Variants in TRPA1 observed in about 807,000 individuals in gnomAD.
TRPA1 encodes transient receptor potential cation channel subfamily A member 1.
A neutral mutation model predicts 131.3 loss-of-function variants in TRPA1; 129 were observed. That is an observed-to-expected ratio of 0.98 (90% confidence interval 0.85 to 1.14). TRPA1 has a LOEUF of 1.14. Among genes scored for constraint, TRPA1 ranks in the 50% most tolerant of loss-of-function variants. The pLI is 0.00. For missense variants in TRPA1, 1,304 were observed against 1,354.2 expected (o/e 0.96, Z 0.58); for synonymous variants, 441 against 451.7 (o/e 0.98, Z 0.30).
At chr8:72,067,246 C>T (rs577012558) in intron 3 of TRPA1, among the ~76,000 whole-genome samples, 9 of 152,156 alleles carry the variant, frequency 5.9e-5, no homozygotes, top group Admixed American at 2.6e-4. Context: ...GGGAGAGGCA[C>T]GTAGAAAAGA....
At chr8:72,048,659 G>T (rs548856731) in intron 15 of TRPA1, among the ~76,000 whole-genome samples, 1 of 152,252 alleles carries the variant, frequency 6.6e-6, no homozygotes, top group African/African-American at 2.4e-5. Context: ...TTTCAGAAAT[G>T]TTGTATAAGT....
At chr8:72,046,024 G>A (rs1471820411) in intron 17 of TRPA1, among the ~76,000 whole-genome samples, 1 of 151,972 alleles carries the variant, frequency 6.6e-6, no homozygotes. Flanking sequence ...GAACTTAGAA[G>A]CTGTGGCTGT....
At chr8:72,027,915 T>C (rs1008762664) in intron 24 of TRPA1, among the ~76,000 whole-genome samples, 2 of 152,182 alleles carry the variant, frequency 1.3e-5, no homozygotes, top group Non-Finnish European at 2.9e-5. Context: ...CAATATAGGT[T>C]TGTGCTTTTC....
intron 20 of TRPA1, among the ~76,000 whole-genome samples, chr8:72,037,653 T>C (rs1812102493): frequency 6.6e-6 from 1 of 152,012 alleles, no homozygotes; most frequent in Non-Finnish European, 1.5e-5. Flanking sequence ...AATTATCAAG[T>C]TCAAAATGTA....
intron 1 of TRPA1, 73 bp downstream of exon 1, chr8:72,075,226 C>T (rs557246292): frequency 6.8e-6 from 8 of 1,169,510 alleles, no homozygotes; most frequent in Non-Finnish European, 1.0e-5. Context: ...CCAAGGGCTG[C>T]CCCCAAGGAA....
rs1811947156 is a variant in TRPA1, at chr8:72,034,229, A to G, written c.2685+19T>C. ...ATAATTCACAGCGACAAAATCAACTACTGATGTAACTGTCTTACCTGTAAA... is the reference window on the plus strand; with the variant it reads ...ATAATTCACAGCGACAAAATCAACTGCTGATGTAACTGTCTTACCTGTAAA... On this transcript the variant is annotated intron_variant, in intron 22 of 26. Coordinates refer to ENST00000262209, the MANE Select transcript of TRPA1 (RefSeq NM_007332.3). 1.3e-6 allele frequency: 2 copies of G among 1,595,938 alleles called. No homozygotes were observed. Among genetic ancestry groups the G allele is most frequent in the East Asian group, 4.5e-5 (2 of 44,356 alleles).
chr8:72,083,034 G>A, the TRPA1 span, among the ~76,000 whole-genome samples: 11 of 151,620 alleles, frequency 7.3e-5, no homozygotes, highest in Non-Finnish European at 1.3e-4. Context: ...CTGTCTTCAA[G>A]TTTACTATTT....
At chr8:72,027,528 T>C (rs891836670) in intron 24 of TRPA1, among the ~76,000 whole-genome samples, 2 of 152,098 alleles carry the variant, frequency 1.3e-5, no homozygotes, top group Admixed American at 1.3e-4. Context: ...CATTTAAAAA[T>C]ACCCAAACAG....
the TRPA1 span, among the ~76,000 whole-genome samples, chr8:72,081,249 C>G: frequency 6.6e-6 from 1 of 151,838 alleles, no homozygotes; most frequent in Non-Finnish European, 1.5e-5. Context: ...CTTTGGCTCA[C>G]AAATTACTTT....
chr8:72,071,005 T>G (rs1216533450), intron 2 of TRPA1, among the ~76,000 whole-genome samples: 1 of 152,236 alleles, frequency 6.6e-6, no homozygotes, highest in Non-Finnish European at 1.5e-5. Context: ...TCAAAGTCAG[T>G]TCTAACTCCC....
intron 21 of TRPA1, among the ~76,000 whole-genome samples, chr8:72,034,861 AT>A (rs1418866742): frequency 6.6e-6 from 1 of 152,194 alleles, no homozygotes; most frequent in East Asian, 1.9e-4. Context: ...ACCTTAAATC[AT>A]TTTACCACTT....
chr8:72,082,736 TTC>T, the TRPA1 span, among the ~76,000 whole-genome samples: 2 of 152,064 alleles, frequency 1.3e-5, no homozygotes, highest in African/African-American at 2.4e-5. Flanking sequence ...TTCAAGATTT[TTC>T]TCTGTCTTTC....
At chr8:72,067,211 T>C (rs1186043996) in intron 3 of TRPA1, among the ~76,000 whole-genome samples, 1 of 152,136 alleles carries the variant, frequency 6.6e-6, no homozygotes, top group Non-Finnish European at 1.5e-5. Context: ...GCTGGGTGTT[T>C]ACAGGCCGGA....
At chr8:72,088,645 G>A in the TRPA1 span, among the ~76,000 whole-genome samples, 822 of 152,140 alleles carry the variant, frequency 5.4e-3, 16 homozygotes, top group African/African-American at 0.019. Flanking sequence ...TCTTTAGTTT[G>A]GTGACAACTG....
chr8:72,075,240 T>TC (rs1376561662), intron 1 of TRPA1, 59 bp downstream of exon 1: 5 of 1,385,984 alleles, frequency 3.6e-6, no homozygotes, highest in Non-Finnish European at 5.1e-6. Context: ...CAAGGAAACC[T>TC]CCAGCCGACC....
chr8:72,032,929 G>C (rs966644011), intron 23 of TRPA1, among the ~76,000 whole-genome samples: 3 of 152,176 alleles, frequency 2.0e-5, no homozygotes, highest in Non-Finnish European at 4.4e-5. Flanking sequence ...GGAAAAACAG[G>C]CACAACGATG....
At chr8:72,027,978 A>G (rs1429616685) in intron 24 of TRPA1, among the ~76,000 whole-genome samples, 1 of 152,094 alleles carries the variant, frequency 6.6e-6, no homozygotes, top group Non-Finnish European at 1.5e-5. Flanking sequence ...TTTTGCTTGT[A>G]TTATTGTTTT....
chr8:72,054,923 T>A (rs768365585), intron 12 of TRPA1: 11 of 152,724 alleles, frequency 7.2e-5, no homozygotes, highest in Non-Finnish European at 1.5e-4. Flanking sequence ...TGTACTTGAG[T>A]TCATTTAAGT....
intron 23 of TRPA1, among the ~76,000 whole-genome samples, chr8:72,030,877 C>G (rs1391229264): frequency 1.3e-5 from 2 of 152,228 alleles, no homozygotes; most frequent in Non-Finnish European, 2.9e-5. Context: ...GCTGTTAGCT[C>G]AGTTCTACTC....
Sources: allele counts gnomAD v4.1 joint callset (sites outside exome capture counted in the v4.1 genomes callset), GRCh38; gene constraint gnomAD v4.1.1; transcripts MANE v1.5; gene names NCBI Gene and HGNC (gene_info 2026-07-23, HGNC 2026-07-21).